The following IL12RB2 variants were observed in gnomAD, a reference collection of about 807,000 sequenced individuals.
The protein encoded by IL12RB2 is interleukin-12 receptor subunit beta-2.
Under a neutral mutation model 89.4 loss-of-function variants are expected in IL12RB2, and 82 were observed. That is an observed-to-expected ratio of 0.92 (90% CI 0.77 to 1.10). IL12RB2 has a LOEUF of 1.10. Among genes scored for constraint, IL12RB2 ranks in the 50% least tolerant of loss-of-function variants. The pLI is 0.00. For missense variants in IL12RB2, 963 were observed against 1,031.9 expected (o/e 0.93, Z 0.92); for synonymous variants, 368 against 370.1 (o/e 0.99, Z 0.07).
chr1:67,378,719 G>T (rs962149967), intron 13 of IL12RB2, among the ~76,000 whole-genome samples: 1 of 151,262 alleles, frequency 6.6e-6, no homozygotes, highest in African/African-American at 2.4e-5. Flanking sequence ...GCATGGTGGC[G>T]TGTGCCTATA....
intron 14 of IL12RB2, among the ~76,000 whole-genome samples, chr1:67,385,648 T>C (rs552796105): frequency 2.0e-4 from 31 of 152,372 alleles, no homozygotes; most frequent in Non-Finnish European, 4.0e-4. Context: ...CAGCGAGTGC[T>C]GGATGAATTA....
chr1:67,315,951 A>G (rs947468110), intron 2 of IL12RB2, among the ~76,000 whole-genome samples: 7 of 152,084 alleles, frequency 4.6e-5, no homozygotes, highest in African/African-American at 1.7e-4. Flanking sequence ...AGAAGAGTAT[A>G]TTTTAACACC....
chr1:67,373,023 T>G (rs1663543880), intron 13 of IL12RB2, among the ~76,000 whole-genome samples: 1 of 152,188 alleles, frequency 6.6e-6, no homozygotes, highest in East Asian at 1.9e-4. Flanking sequence ...GATACAGAAA[T>G]GAAGTAAATG....
rs1656544165 is a variant in IL12RB2, at chr1:67,321,637, T to C, written c.112T>C (p.Ser38Pro). The change falls in exon 4 of 17, where the codon TCC becomes CCC. Residue 38 changes from serine (S) to proline (P), a missense_variant. Physicochemically the swap from Ser to Pro is moderately conservative, Grantham distance 74 (BLOSUM62 -1). Coordinates refer to ENST00000674203, the MANE Select transcript of IL12RB2 (RefSeq NM_001374259.2). ...CKRGDVTVKP[S>P]HVILLGSTVN... ...GAGAGGCGATGTGACTGTGAAGCCTTCCCATGTAATTTTACTTGGATCCAC... is the reference window on the plus strand; with the variant it reads ...GAGAGGCGATGTGACTGTGAAGCCTCCCCATGTAATTTTACTTGGATCCAC... The C allele has an allele frequency of 1.2e-6, 2 of 1,605,560 alleles. No homozygotes were observed. The highest frequency in any genetic ancestry group is 2.2e-5 in the South Asian group (2 of 90,890).
At chr1:67,313,390 G>A (rs1175216232) in intron 1 of IL12RB2, among the ~76,000 whole-genome samples, 1 of 152,112 alleles carries the variant, frequency 6.6e-6, no homozygotes, top group Non-Finnish European at 1.5e-5. Flanking sequence ...CTAGCATCGT[G>A]CCTGAAACAT....
intron 9 of IL12RB2, among the ~76,000 whole-genome samples, chr1:67,339,412 G>T (rs1185659146): frequency 6.6e-6 from 1 of 151,908 alleles, no homozygotes; most frequent in Non-Finnish European, 1.5e-5. Flanking sequence ...ACTTGAACCC[G>T]GGAGGCAGGG....
At chr1:67,350,442 A>T (rs1049569932) in intron 9 of IL12RB2, among the ~76,000 whole-genome samples, 1 of 152,198 alleles carries the variant, frequency 6.6e-6, no homozygotes, top group Non-Finnish European at 1.5e-5. Flanking sequence ...AGAAAAGGTT[A>T]TATGTGTGTG....
At chr1:67,392,327 A>G (rs1665916276) in intron 16 of IL12RB2, among the ~76,000 whole-genome samples, 1 of 152,212 alleles carries the variant, frequency 6.6e-6, no homozygotes, top group Admixed American at 6.5e-5. Context: ...TCCATACAAT[A>G]GGGTATTAGG....
At chr1:67,365,726 TC>T (rs1286466331) in intron 10 of IL12RB2, among the ~76,000 whole-genome samples, 2 of 151,406 alleles carry the variant, frequency 1.3e-5, no homozygotes, top group Non-Finnish European at 2.9e-5. Flanking sequence ...AAATGTATTC[TC>T]CCCCTGAAAA....
chr1:67,360,830 C>T (rs1661962754), intron 10 of IL12RB2, among the ~76,000 whole-genome samples: 1 of 151,766 alleles, frequency 6.6e-6, no homozygotes, highest in African/African-American at 2.4e-5. Flanking sequence ...GCATTCTGTT[C>T]TTAACAAGGC....
At chr1:67,362,656 G>A (rs1455723447) in intron 10 of IL12RB2, among the ~76,000 whole-genome samples, 1 of 150,834 alleles carries the variant, frequency 6.6e-6, no homozygotes, top group East Asian at 1.9e-4. Flanking sequence ...TTAAAGTATT[G>A]AGAGAAAAAA....
intron 8 of IL12RB2, among the ~76,000 whole-genome samples, 182 bp downstream of exon 8, chr1:67,330,992 T>C (rs1472483714): frequency 6.6e-6 from 1 of 152,192 alleles, no homozygotes; most frequent in African/African-American, 2.4e-5. Flanking sequence ...CAAGGAAATA[T>C]GTTTGTGTTG....
At position 67,395,862 on chromosome 1, in the gene IL12RB2, G is replaced by A; in HGVS notation, c.2362G>A (p.Val788Met). The change falls in exon 17 of 17, where the codon GTG becomes ATG. Residue 788 changes from valine (V) to methionine (M), a missense_variant. By Grantham distance (21) the Val-to-Met change is conservative (BLOSUM62 1). Transcript: ENST00000674203. ...KPENPACPWT[V>M]LPAGDLPTHD... Reference sequence around the variant, plus strand: ...CGAAAACCCAGCCTGTCCCTGGACGGTGCTCCCAGCAGGTGACCTTCCCAC... The same window carrying A: ...CGAAAACCCAGCCTGTCCCTGGACGATGCTCCCAGCAGGTGACCTTCCCAC... 6.2e-7 allele frequency: 1 copy of A among 1,609,892 alleles called. No individual in the cohort carries two copies. The highest frequency in any genetic ancestry group is 1.1e-5 in the South Asian group (1 of 90,882).
chr1:67,325,539 G>A (rs1657169319), intron 4 of IL12RB2, among the ~76,000 whole-genome samples: 1 of 152,192 alleles, frequency 6.6e-6, no homozygotes, highest in Admixed American at 6.5e-5. Flanking sequence ...TGGGATTACA[G>A]GCGTGAGCCA....
intron 9 of IL12RB2, among the ~76,000 whole-genome samples, chr1:67,344,585 T>C (rs1208740838): frequency 1.3e-5 from 2 of 152,212 alleles, no homozygotes; most frequent in Admixed American, 1.3e-4. Context: ...GAGCAACGGC[T>C]CTCGGCCTAA....
Position 67,367,944 on chromosome 1 carries a change from G to A in IL12RB2, c.1378G>A (p.Glu460Lys), listed in dbSNP as rs1241486974. The change falls in exon 11 of 17, where the codon GAG becomes AAG. Residue 460 changes from glutamate (E) to lysine (K), a missense_variant. Transcript: ENST00000674203. ...AVQEYVVEWR[E>K]LHPGGDTQVP... ...TCAGGAGTACGTGGTGGAATGGAGA[G>A]AGCTCCATCCAGGGGGTGACACACA... 1.2e-6 allele frequency: 2 copies of A among 1,601,956 alleles called. No homozygotes were observed. Among genetic ancestry groups the A allele is most frequent in the Non-Finnish European group, 1.7e-6 (2 of 1,168,788 alleles).
chr1:67,330,125 A>C (rs1479731837), intron 7 of IL12RB2, among the ~76,000 whole-genome samples: 1 of 152,152 alleles, frequency 6.6e-6, no homozygotes, highest in African/African-American at 2.4e-5. Flanking sequence ...ATTTAATATA[A>C]TATTAGGCAT....
rs1260139603 is a variant in IL12RB2 at position 67,353,694 on chromosome 1, C to T, written c.1258+2605C>T. ...GAGATCATTTGTACATCTGGAATTA[C>T]AAGTTATTTTTCTTCCCTTTTGCTT... On this transcript the variant is annotated intron_variant, in intron 10 of 16. Transcript: ENST00000674203. 3.3e-5 allele frequency among the ~76,000 whole-genome samples: 5 copies of T among 152,162 alleles called. No individual in the cohort carries two copies. In the East Asian group the frequency reaches 9.6e-4, roughly 29 times the overall value.
At chr1:67,373,886 T>C (rs1322823035) in intron 13 of IL12RB2, among the ~76,000 whole-genome samples, 1 of 152,204 alleles carries the variant, frequency 6.6e-6, no homozygotes, top group East Asian at 1.9e-4. Flanking sequence ...CCTGGGAAGC[T>C]TTATGAGTTG....
Sources: gnomAD v4.1 joint callset for allele counts (sites outside exome capture counted in the v4.1 genomes callset) on GRCh38, gnomAD v4.1.1 for gene constraint, MANE v1.5 for transcripts, NCBI Gene and HGNC (gene_info 2026-07-23, HGNC 2026-07-21) for gene names.